ZNF236: variants seen among roughly 807,000 people sequenced by gnomAD.
ZNF236 encodes the protein zinc finger protein 236, also known as regulated by glucose.
In ZNF236, 50 loss-of-function variants were observed where a neutral mutation model predicts 191.2. The ratio of observed to expected loss-of-function variants is 0.26; its 90% CI spans 0.21 to 0.33. ZNF236 has a LOEUF of 0.33. Ranked by LOEUF, ZNF236 falls within the 10% of genes least tolerant of loss-of-function variation. The pLI is 1.00. For synonymous variants in ZNF236, 907 were observed against 928.8 expected (o/e 0.98, Z 0.43); for missense variants, 1,754 against 2,374.5 (o/e 0.74, Z 5.43).
chr18:76,852,354 T>C (rs1157079362), intron 3 of ZNF236, among the ~76,000 whole-genome samples: 2 of 152,194 alleles, frequency 1.3e-5, no homozygotes, highest in Non-Finnish European at 2.9e-5. Flanking sequence ...GGGAAGAGAA[T>C]CATTTCATGA....
chr18:76,899,426 C>T (rs1977527355), intron 11 of ZNF236, among the ~76,000 whole-genome samples: 2 of 152,234 alleles, frequency 1.3e-5, no homozygotes, highest in South Asian at 2.1e-4. Context: ...ATCCAAACTA[C>T]TGCTCAAATT....
intron 26 of ZNF236, among the ~76,000 whole-genome samples, chr18:76,944,520 G>A (rs1024001749): frequency 3.9e-5 from 6 of 152,178 alleles, no homozygotes; most frequent in African/African-American, 9.7e-5. Context: ...CTGGGGGTGT[G>A]GTGGCTCATG....
Position 76,960,921 on chromosome 18 carries a change from A to G in ZNF236, c.5419+66A>G, listed in dbSNP as rs930158236. 18 of 1,492,538 alleles carry G rather than the reference A, an allele frequency of 1.2e-5. No homozygotes were observed. Among genetic ancestry groups the G allele is most frequent in the Non-Finnish European group, 1.6e-5 (18 of 1,112,684 alleles). 92.5% of individuals were successfully genotyped at this position (1,492,538 alleles called of 1,614,324 possible). A position where few individuals can be genotyped will look rare whatever the true frequency, so the allele number is the denominator to read the frequency against. On this transcript the variant is annotated intron_variant, in intron 30 of 30. Transcript: ENST00000320610. The surrounding 1 kb of genome is among the most constrained non-coding windows in gnomAD (Gnocchi z 4.4). ...CTGCGAGGCACCCTGTGTTTCGCATACATTGTTTCCTTTAGTTCACACAGT... is the reference window on the plus strand; with the variant it reads ...CTGCGAGGCACCCTGTGTTTCGCATGCATTGTTTCCTTTAGTTCACACAGT...
chr18:76,937,049 G>T lies in ZNF236; in HGVS notation c.4595-107G>T, dbSNP rs189769245. On this transcript the variant is annotated intron_variant, in intron 25 of 30. Coordinates refer to ENST00000320610, the MANE Select transcript of ZNF236 (RefSeq NM_001306089.2). ...TTCTTTGGTGCAGCTTGGAGACCTC[G>T]GGCATGAATGCTGCTTCCTGCAGGT... 6.9e-5 allele frequency: 68 copies of T among 979,488 alleles called. No homozygotes were observed. The Admixed American group carries it at 8.6e-4, about 12-fold the overall frequency. The allele number at this position is 979,488 out of a possible 1,614,324, so 60.7% of individuals were successfully genotyped here.
At chr18:76,945,961 G>A (rs1288467857) in intron 26 of ZNF236, among the ~76,000 whole-genome samples, 1 of 151,990 alleles carries the variant, frequency 6.6e-6, no homozygotes, top group Non-Finnish European at 1.5e-5. Flanking sequence ...ATGACTGTAT[G>A]TTTTTGGCTT....
chr18:76,967,794 G>A (rs948019326), intron 30 of ZNF236, among the ~76,000 whole-genome samples: 8 of 151,870 alleles, frequency 5.3e-5, no homozygotes, highest in Non-Finnish European at 8.8e-5. Context: ...GAGCTCGACG[G>A]CTTTCAGTGT....
At chr18:76,884,081 A>G (rs1274428563) in intron 9 of ZNF236, among the ~76,000 whole-genome samples, 4 of 152,236 alleles carry the variant, frequency 2.6e-5, no homozygotes, top group African/African-American at 7.2e-5. Context: ...CTTGTGACAC[A>G]TAAATCATTG....
At chr18:76,846,139 A>G (rs1975672171) in intron 1 of ZNF236, among the ~76,000 whole-genome samples, 1 of 152,034 alleles carries the variant, frequency 6.6e-6, no homozygotes, top group African/African-American at 2.4e-5. Flanking sequence ...TAAAAAATAG[A>G]GACAGTCTCG....
Position 76,875,706 on chromosome 18 carries a change from C to A in ZNF236, c.840+42C>A, listed in dbSNP as rs757294361. 5.7e-6 allele frequency: 8 copies of A among 1,399,622 alleles called. No individual in the cohort carries two copies. Among genetic ancestry groups the A allele is most frequent in the Admixed American group, 2.7e-5 (1 of 37,194 alleles). 86.7% of individuals were successfully genotyped at this position (1,399,622 alleles called of 1,614,324 possible). On this transcript the variant is annotated intron_variant, in intron 6 of 30. Coordinates refer to ENST00000320610, the MANE Select transcript of ZNF236 (RefSeq NM_001306089.2). The surrounding 1 kb of genome is among the most constrained non-coding windows in gnomAD (Gnocchi z 4.3). The stretch of plus-strand genomic sequence containing the variant: ...GGCATAAGCGGTATTTCACAGGGGA[C>A]AGTAGGTATCTTTTGGGTTAATAAA...
At chr18:76,863,889 G>A (rs950262586) in intron 3 of ZNF236, among the ~76,000 whole-genome samples, 9 of 152,326 alleles carry the variant, frequency 5.9e-5, no homozygotes, top group Non-Finnish European at 4.4e-5. Context: ...TGGAACTTCA[G>A]AAAAGAAAGA....
chr18:76,826,109 G>A (rs935210171), intron 1 of ZNF236, among the ~76,000 whole-genome samples: 11 of 148,206 alleles, frequency 7.4e-5, no homozygotes, highest in Non-Finnish European at 1.4e-4. Context: ...AGCTCAGAGC[G>A]GATACCTGAT....
chr18:76,892,902 A>G (rs1170796677), intron 9 of ZNF236, among the ~76,000 whole-genome samples: 3 of 152,242 alleles, frequency 2.0e-5, no homozygotes, highest in Admixed American at 1.3e-4. Flanking sequence ...GCCCAACTCC[A>G]GGAAAGCTTG....
At chr18:76,834,377 T>G (rs1216224824) in intron 1 of ZNF236, 1 of 113,628 alleles carries the variant, frequency 8.8e-6, no homozygotes, top group Non-Finnish European at 2.1e-5. Flanking sequence ...TCCTTAGGGT[T>G]TTTTTTTTTT....
At chr18:76,915,412 A>G (rs1191993651) in intron 18 of ZNF236, among the ~76,000 whole-genome samples, 1 of 152,156 alleles carries the variant, frequency 6.6e-6, no homozygotes, top group Non-Finnish European at 1.5e-5. Flanking sequence ...AAGATGTCCT[A>G]TGTCAACTTC....
rs1968886465 is a variant in ZNF236, at chr18:76,970,256, G to A, written c.*1917G>A. On this transcript the variant is annotated 3_prime_UTR_variant, in exon 31 of 31. Transcript: ENST00000320610. ...ATTTTAGCATTAAATGTCATCTCAG[G>A]ACATCTCTAAAAGGGGTTGTTTAAT... The A allele has an allele frequency of 6.6e-6, 1 of 152,566 alleles. No individual in the cohort carries two copies. The highest frequency in any genetic ancestry group is 6.5e-5 in the Admixed American group (1 of 15,270). 9.5% of individuals were successfully genotyped at this position (152,566 alleles called of 1,614,324 possible).
At chr18:76,838,632 A>G (rs1975400794) in intron 1 of ZNF236, among the ~76,000 whole-genome samples, 1 of 152,226 alleles carries the variant, frequency 6.6e-6, no homozygotes, top group Admixed American at 6.5e-5. Context: ...ACCTTTGTGT[A>G]CCAAAAAAGG....
In ZNF236 at chr18:76,878,164, A is replaced by G; in HGVS notation, c.984+12A>G. ...CTCATGTTTTAACGGTAAGTTTAGT[A>G]ATTTGGAAGAACTTCTTTTTAAACT... On this transcript the variant is annotated intron_variant, in intron 7 of 30. Transcript: ENST00000320610. 2 of 1,587,310 alleles carry G rather than the reference A, an allele frequency of 1.3e-6. No homozygotes were observed. The highest frequency in any genetic ancestry group is 3.5e-5 in the Admixed American group (2 of 57,406).
At chr18:76,874,609 C>T (rs868184329) in intron 5 of ZNF236, among the ~76,000 whole-genome samples, 1 of 151,920 alleles carries the variant, frequency 6.6e-6, no homozygotes, top group Non-Finnish European at 1.5e-5. Context: ...GAGAAGGGGG[C>T]TAGGGGTTCC....
In ZNF236 at chr18:76,905,341, T is replaced by C. The variant is rs1977710526; in HGVS notation, c.2223T>C (p.Arg741=). 3 of 1,614,154 alleles carry C rather than the reference T, an allele frequency of 1.9e-6. No individual in the cohort carries two copies. Among genetic ancestry groups the C allele is most frequent in the Non-Finnish European group, 2.5e-6 (3 of 1,180,006 alleles). The change falls in exon 13 of 31, where the codon CGT becomes CGC. Residue 741 remains arginine (R), a synonymous_variant. Coordinates refer to ENST00000320610, the MANE Select transcript of ZNF236 (RefSeq NM_001306089.2). The part of the protein sequence containing the change: ...RRHMGIHNDL[R]PYMCPYCQKT... The stretch of plus-strand genomic sequence containing the variant: ...ACATGGGTATCCACAACGACCTTCG[T>C]CCCTATATGTGTCCCTATTGCCAAA...
Sources: allele counts gnomAD v4.1 joint callset (sites outside exome capture counted in the v4.1 genomes callset), GRCh38; gene constraint gnomAD v4.1.1; non-coding constraint Gnocchi (gnomAD v3.1); transcripts MANE v1.5; gene names NCBI Gene and HGNC (gene_info 2026-07-23, HGNC 2026-07-21).